The following FOXP1 variants were observed in gnomAD, a reference collection of about 807,000 sequenced individuals.
The protein encoded by FOXP1 is forkhead box protein P1.
Under a neutral mutation model 98.2 loss-of-function variants are expected in FOXP1, and 15 were observed. That is an observed-to-expected ratio of 0.15 (90% CI 0.10 to 0.24). FOXP1 has a LOEUF of 0.24. FOXP1 is among the 10% of genes least tolerant of loss of function. The pLI is 1.00. For missense variants in FOXP1, 633 were observed against 848.5 expected, an observed-to-expected ratio of 0.75 and a Z score of 3.15; for synonymous variants, 371 against 314.5, an observed-to-expected ratio of 1.18 and a Z score of -1.90.
At chr3:71,156,830 T>C (rs2060847570) in intron 6 of FOXP1, among the ~76,000 whole-genome samples, 2 of 152,074 alleles carry the variant, frequency 1.3e-5, no homozygotes, top group South Asian at 2.1e-4. Flanking sequence ...GTCCAGGAGA[T>C]AAAAGGAAGG....
rs940538251 is a variant in FOXP1 at position 71,240,616 on chromosome 3, T to C, written c.-11-42224A>G. Among the ~76,000 whole-genome samples the C allele has an allele frequency of 7.9e-5, 12 of 152,004 alleles. 1 individual carries two copies. Among genetic ancestry groups the C allele is most frequent in the South Asian group, 4.1e-4 (2 of 4,830 alleles). On this transcript the variant is annotated intron_variant, in intron 5 of 20. Transcript: ENST00000649528. ...GGAGTGTAGTGGCGCGATCTCGGCT[T>C]ACTGCAACCTCCGCCTCCGGGGTTC...
intron 4 of FOXP1, among the ~76,000 whole-genome samples, chr3:71,345,395 T>TACAC (rs1371490368): frequency 1.2e-4 from 6 of 50,308 alleles, no homozygotes; most frequent in Admixed American, 3.3e-4. Flanking sequence ...CTCAAATATA[T>TACAC]ATACACACAC....
At chr3:71,141,909 G>A (rs2060091121) in intron 6 of FOXP1, among the ~76,000 whole-genome samples, 1 of 152,168 alleles carries the variant, frequency 6.6e-6, no homozygotes, top group African/African-American at 2.4e-5. Context: ...AAATAGCCAA[G>A]GAGCAGAAAG....
chr3:71,043,881 C>T (rs1350810937), intron 10 of FOXP1, among the ~76,000 whole-genome samples: 4 of 152,000 alleles, frequency 2.6e-5, no homozygotes, highest in Non-Finnish European at 5.9e-5. Flanking sequence ...TGTTACTCTA[C>T]TCTCCCATCT....
At chr3:70,999,253 C>A (rs1350872280) in intron 13 of FOXP1, among the ~76,000 whole-genome samples, 1 of 152,110 alleles carries the variant, frequency 6.6e-6, no homozygotes, top group Non-Finnish European at 1.5e-5. Context: ...CCACACCTGG[C>A]TAATTTTTGT....
chr3:71,505,213 C>T (rs189105327), intron 2 of FOXP1, among the ~76,000 whole-genome samples: 3 of 152,228 alleles, frequency 2.0e-5, no homozygotes, highest in African/African-American at 7.2e-5. Context: ...TCTACGTTGC[C>T]TCCCACTGTC....
At chr3:71,391,997 A>C (rs1014101275) in intron 3 of FOXP1, among the ~76,000 whole-genome samples, 1 of 152,164 alleles carries the variant, frequency 6.6e-6, no homozygotes, top group Non-Finnish European at 1.5e-5. Context: ...CAGAGTGAAA[A>C]ATCTATTACT....
At chr3:71,566,137 T>C (rs1455824389) in intron 2 of FOXP1, among the ~76,000 whole-genome samples, 3 of 152,310 alleles carry the variant, frequency 2.0e-5, no homozygotes, top group African/African-American at 2.4e-5. Flanking sequence ...CCGCTCCTCA[T>C]GCACTCAGCA....
chr3:71,464,974 C>G (rs1307826683), intron 3 of FOXP1, among the ~76,000 whole-genome samples: 1 of 152,090 alleles, frequency 6.6e-6, no homozygotes, highest in Non-Finnish European at 1.5e-5. Flanking sequence ...GGTTTTCTAC[C>G]ATGTGTGGAT....
At chr3:71,446,185 G>A (rs961924004) in intron 3 of FOXP1, among the ~76,000 whole-genome samples, 1 of 152,166 alleles carries the variant, frequency 6.6e-6, no homozygotes, top group African/African-American at 2.4e-5. Flanking sequence ...TGGGTGCTCT[G>A]CCATCTTGCT....
At chr3:71,023,673 C>T (rs150089858) in intron 11 of FOXP1, among the ~76,000 whole-genome samples, 36 of 152,212 alleles carry the variant, frequency 2.4e-4, no homozygotes, top group African/African-American at 7.9e-4. Flanking sequence ...GAGATTGTAC[C>T]GAACCATATC....
chr3:71,338,501 C>T (rs1433625280), intron 4 of FOXP1, among the ~76,000 whole-genome samples: 1 of 152,176 alleles, frequency 6.6e-6, no homozygotes, highest in Non-Finnish European at 1.5e-5. Context: ...AATCTCGGCT[C>T]ACTGCAAGCT....
At chr3:71,511,330 G>A (rs1281341809) in intron 2 of FOXP1, among the ~76,000 whole-genome samples, 2 of 152,110 alleles carry the variant, frequency 1.3e-5, no homozygotes, top group Non-Finnish European at 2.9e-5. Flanking sequence ...ACAAACCACA[G>A]TGTAGTCAGC....
At chr3:71,244,128 G>A (rs2067517270) in intron 5 of FOXP1, among the ~76,000 whole-genome samples, 1 of 152,128 alleles carries the variant, frequency 6.6e-6, no homozygotes, top group African/African-American at 2.4e-5. Flanking sequence ...ATAAATTCAA[G>A]CATCCCCAAA....
chr3:71,188,466 G>A (rs1008680642), intron 6 of FOXP1, among the ~76,000 whole-genome samples: 8 of 150,676 alleles, frequency 5.3e-5, no homozygotes, highest in African/African-American at 1.7e-4. Flanking sequence ...CCAGGCTGGA[G>A]TGCAGTGGCA....
intron 14 of FOXP1, among the ~76,000 whole-genome samples, chr3:70,982,855 T>A (rs2039104729): frequency 6.6e-6 from 1 of 152,242 alleles, no homozygotes; most frequent in African/African-American, 2.4e-5. Context: ...TTTTTATTTT[T>A]GTTTGTGCTC....
intron 4 of FOXP1, among the ~76,000 whole-genome samples, chr3:71,310,786 T>G (rs1396082746): frequency 6.6e-6 from 1 of 152,302 alleles, no homozygotes; most frequent in East Asian, 1.9e-4. Context: ...TGTTTAAGCC[T>G]GCACTAGTGT....
intron 3 of FOXP1, among the ~76,000 whole-genome samples, chr3:71,438,366 C>G (rs2085572321): frequency 6.6e-6 from 1 of 152,170 alleles, no homozygotes; most frequent in South Asian, 2.1e-4. Context: ...AATGTGAAAA[C>G]AGCAAGACTA....
intron 9 of FOXP1, 117 bp downstream of exon 9, chr3:71,052,420 A>C: frequency 1.3e-6 from 1 of 764,932 alleles, no homozygotes; most frequent in East Asian, 2.5e-5. Context: ...CTGAAAGCTG[A>C]GAACCGATAG....
Sources: gnomAD v4.1 joint callset for allele counts (sites outside exome capture counted in the v4.1 genomes callset) on GRCh38, gnomAD v4.1.1 for gene constraint, MANE v1.5 for transcripts, NCBI Gene and HGNC (gene_info 2026-07-23, HGNC 2026-07-21) for gene names.